Variants in DNAH14 observed in about 807,000 individuals in gnomAD.
DNAH14 encodes axonemal beta dynein heavy chain 14.
A neutral mutation model predicts 520.9 loss-of-function variants in DNAH14; 478 were observed. The ratio of observed to expected loss-of-function variants is 0.92; its 90% CI spans 0.85 to 0.99. DNAH14 has a LOEUF of 0.99. Ranked by LOEUF, DNAH14 falls within the 50% of genes least tolerant of loss-of-function variation. The pLI is 0.00. For synonymous variants in DNAH14, 1,581 were observed against 1,757.2 expected (o/e 0.90, Z 2.51); for missense variants, 4,831 against 5,234.5 (o/e 0.92, Z 2.38).
chr1:225,173,092 T>G (rs2082896174), intron 36 of DNAH14, among the ~76,000 whole-genome samples: 2 of 152,206 alleles, frequency 1.3e-5, no homozygotes. Flanking sequence ...TCCTTACACC[T>G]TATACAAAAA....
chr1:225,342,143 T>C (rs906603346), intron 69 of DNAH14, among the ~76,000 whole-genome samples: 1 of 152,200 alleles, frequency 6.6e-6, no homozygotes, highest in Non-Finnish European at 1.5e-5. Flanking sequence ...GTCCATTTGT[T>C]ACCAGATACT....
intron 11 of DNAH14, among the ~76,000 whole-genome samples, chr1:225,029,365 G>C (rs967148779): frequency 2.6e-5 from 4 of 151,980 alleles, no homozygotes; most frequent in African/African-American, 9.7e-5. Flanking sequence ...GTTGTTAACT[G>C]TGTGTGATTG....
chr1:225,155,260 T>A (rs1573555077), intron 34 of DNAH14, among the ~76,000 whole-genome samples: 2 of 152,200 alleles, frequency 1.3e-5, no homozygotes, highest in South Asian at 4.2e-4. Context: ...GAAAAAAAGA[T>A]GAATATGTTG....
At chr1:225,126,063 C>T (rs888115283) in intron 27 of DNAH14, among the ~76,000 whole-genome samples, 1 of 152,118 alleles carries the variant, frequency 6.6e-6, no homozygotes, top group Non-Finnish European at 1.5e-5. Flanking sequence ...TGCTGTCTTA[C>T]ATGGGCATCA....
chr1:225,278,078 A>G (rs1222902770), intron 54 of DNAH14, among the ~76,000 whole-genome samples: 2 of 150,330 alleles, frequency 1.3e-5, no homozygotes, highest in Non-Finnish European at 2.9e-5. Context: ...TTTTATTCAG[A>G]ACAGCTAGAG....
At chr1:225,338,679 C>T (rs2095113195) in intron 68 of DNAH14, among the ~76,000 whole-genome samples, 1 of 152,168 alleles carries the variant, frequency 6.6e-6, no homozygotes, top group South Asian at 2.1e-4. Flanking sequence ...CAATTTCACA[C>T]AGCACTGTTA....
chr1:225,272,101 TA>T (rs1472404079), intron 51 of DNAH14, 28 bp downstream of exon 51: 47 of 1,527,980 alleles, frequency 3.1e-5, no homozygotes, highest in Non-Finnish European at 4.0e-5. Context: ...TTCTCTAGTT[TA>T]TTTTTTAAAT....
chr1:225,152,043 C>G lies in DNAH14; in HGVS notation c.4979C>G (p.Ser1660Cys), dbSNP rs78335375. The G allele has an allele frequency of 1.3e-3, 1,999 of 1,551,352 alleles. 15 individuals are homozygous for G. In the African/African-American group the frequency reaches 0.024, roughly 19 times the overall value. ...LEGKEIRINM[S>C]CAVFITMNPR... ...GGAAAAGAAATTCGTATCAATATGT[C>G]TTGTGCGGTATTTATCACCATGAAT... Residue 1660 changes from serine to cysteine, a missense_variant, in exon 32 of 86, where the codon TCT (serine) becomes TGT (cysteine). By Grantham distance (112) the Ser-to-Cys change is moderately radical. Transcript: ENST00000682510.
At position 225,051,472 on chromosome 1, in the gene DNAH14, AT is replaced by A. The variant is rs1294340260; in HGVS notation, c.2103del (p.Ile701MetfsTer7). The A allele has an allele frequency of 6.6e-7, 1 of 1,513,156 alleles. No individual in the cohort carries two copies. Among genetic ancestry groups the A allele is most frequent in the Admixed American group, 2.3e-5 (1 of 43,458 alleles). The allele number at this position is 1,513,156 out of a possible 1,614,324, so 93.7% of individuals were successfully genotyped here. On this transcript the variant is annotated frameshift_variant, in exon 17 of 86. Coordinates refer to ENST00000682510, the MANE Select transcript of DNAH14 (RefSeq NM_001367479.1). LOFTEE classifies it high-confidence loss of function. ...ACAGATTGTGAATCTCCTGACTATT[AT>A]TGGTAATTCAATGGGCCTAGTTAAT... is the stretch of plus-strand genomic sequence containing the variant. ...QNIIVNLLTI[I>X]GNSMGLVNAY...
chr1:224,964,671 T>G, intron 5 of DNAH14, 62 bp downstream of exon 5: 1 of 1,292,918 alleles, frequency 7.7e-7, no homozygotes, highest in Non-Finnish European at 1.0e-6. Context: ...ATATTTTAAT[T>G]TTTATTTCAT....
chr1:225,146,349 T>C (rs1321086173), intron 30 of DNAH14, among the ~76,000 whole-genome samples: 2 of 152,214 alleles, frequency 1.3e-5, no homozygotes, highest in African/African-American at 4.8e-5. Flanking sequence ...CGATTCCCAC[T>C]TCCTTTCCTC....
In DNAH14 at chr1:225,374,232, T is replaced by A. The variant is rs544914729; in HGVS notation, c.12319-456T>A. Among the ~76,000 whole-genome samples, 163 of 87,692 alleles carry A rather than the reference T, an allele frequency of 1.9e-3. 8 individuals carry two copies. The highest frequency in any genetic ancestry group is 7.8e-3 in the African/African-American group (151 of 19,434). 57.5% of individuals were successfully genotyped at this position (87,692 alleles called of 152,430 possible). ...TCTAGTAAGACAAATGAAATATATA[T>A]AATATATATATTTGTCTATATATAT... is the stretch of plus-strand genomic sequence containing the variant. On this transcript the variant is annotated intron_variant, in intron 77 of 85. Coordinates refer to ENST00000682510, the MANE Select transcript of DNAH14 (RefSeq NM_001367479.1).
chr1:225,377,689 T>C (rs2095719285), intron 79 of DNAH14, among the ~76,000 whole-genome samples: 1 of 152,180 alleles, frequency 6.6e-6, no homozygotes, highest in Non-Finnish European at 1.5e-5. Flanking sequence ...AAAATTCATT[T>C]GAAGAGATAT....
chr1:225,385,114 C>T (rs2095825304), intron 81 of DNAH14, among the ~76,000 whole-genome samples: 1 of 152,084 alleles, frequency 6.6e-6, no homozygotes, highest in Non-Finnish European at 1.5e-5. Context: ...GTAAACAGAA[C>T]CAAAGACAAA....
chr1:225,393,836 T>G (rs1273476803), intron 84 of DNAH14, among the ~76,000 whole-genome samples: 3 of 151,636 alleles, frequency 2.0e-5, no homozygotes, highest in Non-Finnish European at 4.4e-5. Context: ...TTTTTTTTTT[T>G]GAGACGGAGT....
rs1558386772 is a variant in DNAH14 at position 225,324,244 on chromosome 1, T to C, written c.9518T>C (p.Ile3173Thr). 1 of 1,551,566 alleles carries C rather than the reference T, an allele frequency of 6.4e-7. No homozygotes were observed. Among genetic ancestry groups the C allele is most frequent in the African/African-American group, 1.4e-5 (1 of 73,058 alleles). ...PDKVFVKLKK[I>T]VTLPDFNPHK... is the part of the protein sequence containing the mutation. ...TAGGTTTTCGTGAAGCTAAAAAAAATTGTAACCTTACCTGATTTCAACCCA... is the reference window on the plus strand; with the variant it reads ...TAGGTTTTCGTGAAGCTAAAAAAAACTGTAACCTTACCTGATTTCAACCCA... The change falls in exon 63 of 86, where the codon ATT becomes ACT. Residue 3173 changes from isoleucine (I) to threonine (T), a missense_variant. By Grantham distance (89) the Ile-to-Thr change is moderately conservative. Coordinates refer to ENST00000682510, the MANE Select transcript of DNAH14 (RefSeq NM_001367479.1).
At chr1:225,169,539 G>A (rs1212290898) in intron 36 of DNAH14, among the ~76,000 whole-genome samples, 1 of 152,076 alleles carries the variant, frequency 6.6e-6, no homozygotes, top group Non-Finnish European at 1.5e-5. Context: ...TGCAAGAAAG[G>A]TTATAAATGA....
chr1:225,206,669 C>T (rs1207086770), intron 40 of DNAH14, among the ~76,000 whole-genome samples: 1 of 152,180 alleles, frequency 6.6e-6, no homozygotes, highest in African/African-American at 2.4e-5. Context: ...ATGAATAAAT[C>T]TAAGTATAGG....
At chr1:225,009,061 A>G (rs867701390) in intron 10 of DNAH14, among the ~76,000 whole-genome samples, 5 of 152,046 alleles carry the variant, frequency 3.3e-5, no homozygotes, top group African/African-American at 9.7e-5. Context: ...TGTAGGTTGC[A>G]TGTTCACTCT....
Sources: gnomAD v4.1 joint callset for allele counts (sites outside exome capture counted in the v4.1 genomes callset) on GRCh38, gnomAD v4.1.1 for gene constraint, MANE v1.5 for transcripts, NCBI Gene and HGNC (gene_info 2026-07-23, HGNC 2026-07-21) for gene names.